TAL1: variants seen among roughly 807,000 people sequenced by gnomAD.
TAL1 encodes T-cell acute lymphocytic leukemia protein 1.
A neutral mutation model predicts 17.9 loss-of-function variants in TAL1; 8 were observed. The observed-to-expected ratio is 0.45, with a 90% CI of 0.26 to 0.81. The LOEUF (loss-of-function observed/expected upper bound fraction) is 0.81. Among genes scored for constraint, TAL1 ranks in the 30% least tolerant of loss-of-function variants. The pLI is 0.17. For synonymous variants in TAL1, 223 were observed against 218.6 expected (o/e 1.02, Z -0.18); for missense variants, 466 against 486.9 (o/e 0.96, Z 0.40).
At chr1:47,231,980 G>C (rs1432843966), upstream of TAL1, among the ~76,000 whole-genome samples, 1 of 152,188 alleles carries the variant, frequency 6.6e-6, no homozygotes, top group Non-Finnish European at 1.5e-5. Flanking sequence ...GAGGGGCGGC[G>C]GCAGCCGGGG....
intron 2 of TAL1, among the ~76,000 whole-genome samples, chr1:47,224,353 C>T (rs1272607529): frequency 6.6e-6 from 1 of 151,906 alleles, no homozygotes; most frequent in Non-Finnish European, 1.5e-5. Context: ...CAAACACAGG[C>T]ACATATGCAG....
At chr1:47,226,183 G>A in intron 1 of TAL1, 4 of 413,998 alleles carry the variant, frequency 9.7e-6, no homozygotes, top group Non-Finnish European at 1.7e-5. Context: ...CGGAAGAAAA[G>A]GAATACAGCC....
chr1:47,217,562 T>C, exon 4 of TAL1: 4 of 398,556 alleles, frequency 1.0e-5, no homozygotes, highest in South Asian at 1.3e-4. Context: ...AGGATTGAGA[T>C]TGAGGGAAAA....
chr1:47,232,319 C>A (rs1191592811), upstream of TAL1: 1 of 158,034 alleles, frequency 6.3e-6, no homozygotes, highest in Non-Finnish European at 1.4e-5. Context: ...ACGTTCCAGG[C>A]CTCGTTAGCA....
exon 4 of TAL1, chr1:47,219,059 C>A (rs970230152): frequency 3.1e-6 from 1 of 326,432 alleles, no homozygotes; most frequent in Admixed American, 4.4e-5. Context: ...GAAAGCAGAA[C>A]TTTGATCCCC....
chr1:47,221,597 A>G (rs1236970156), intron 3 of TAL1, among the ~76,000 whole-genome samples: 2 of 152,238 alleles, frequency 1.3e-5, no homozygotes, highest in African/African-American at 4.8e-5. Context: ...CACATAGTCC[A>G]GGAAGCTCTG....
chr1:47,219,911 C>A, exon 4 of TAL1: 1 of 1,494,630 alleles, frequency 6.7e-7, no homozygotes, highest in East Asian at 2.4e-5. Context: ...CCTCCCCCAC[C>A]TCCACCCCCA....
exon 4 of TAL1, chr1:47,216,705 A>G (rs1460401251): frequency 8.6e-6 from 2 of 231,798 alleles, no homozygotes; most frequent in Non-Finnish European, 1.7e-5. Flanking sequence ...CCATCTTGTC[A>G]TCTGCCATAA....
intron 2 of TAL1, among the ~76,000 whole-genome samples, chr1:47,224,969 C>T (rs572054907): frequency 6.6e-6 from 1 of 152,218 alleles, no homozygotes; most frequent in Admixed American, 6.5e-5. Flanking sequence ...TCTGCCACCA[C>T]CCTCAGATCC....
At chr1:47,220,232 C>T (rs1038090137) in intron 3 of TAL1, 58 bp from the exon 5 acceptor site, 2 of 1,457,588 alleles carry the variant, frequency 1.4e-6, no homozygotes, top group African/African-American at 2.8e-5. Flanking sequence ...TCCCCAAAGG[C>T]ATCTCCATAC....
exon 4 of TAL1, chr1:47,217,740 T>C (rs1569878852): frequency 2.5e-6 from 1 of 398,510 alleles, no homozygotes; most frequent in Non-Finnish European, 4.4e-6. Context: ...ATAAAACCCA[T>C]CCACCCATCC....
upstream of TAL1, chr1:47,231,651 A>T (rs540166061): frequency 4.3e-6 from 1 of 233,928 alleles, no homozygotes; most frequent in Non-Finnish European, 8.4e-6. Flanking sequence ...ACACACCCCC[A>T]CACACAGAAT....
intron 3 of TAL1, chr1:47,223,574 A>C: frequency 6.3e-6 from 1 of 159,768 alleles, no homozygotes; most frequent in Non-Finnish European, 1.4e-5. Flanking sequence ...TCCAGACTCT[A>C]AGGAAGACTT....
At chr1:47,220,206 T>A in intron 3 of TAL1, 32 bp from the exon 5 acceptor site, 1 of 1,481,690 alleles carries the variant, frequency 6.7e-7, no homozygotes, top group Non-Finnish European at 9.0e-7. Context: ...GTTAGGAGAA[T>A]GGGCTTGAGA....
At chr1:47,218,802 T>G in exon 4 of TAL1, 1 of 234,608 alleles carries the variant, frequency 4.3e-6, no homozygotes, top group Non-Finnish European at 8.4e-6. Context: ...TCCAGGAGAA[T>G]GCACAGATGG....
At chr1:47,216,652 T>G in exon 4 of TAL1, 1 of 232,044 alleles carries the variant, frequency 4.3e-6, no homozygotes, top group Admixed American at 5.6e-5. Flanking sequence ...TGACTACAGA[T>G]GCTGTGCCCT....
chr1:47,223,559 C>G (rs1643865944), intron 3 of TAL1: 1 of 156,272 alleles, frequency 6.4e-6, no homozygotes, highest in Non-Finnish European at 1.4e-5. Context: ...AGGGAGGAAG[C>G]AGACTCCAGA....
Position 47,225,723 on chromosome 1 carries a change from C to A in TAL1, c.166G>T (p.Ala56Ser), listed in dbSNP as rs1308115412. Residue 56 changes from alanine to serine, a missense_variant, in exon 2 of 4, where the codon GCG becomes TCG. Transcript: ENST00000294339. The stretch of plus-strand genomic sequence containing the variant: ...GGGCCGCCCCCCGGGCCTCCGCGCG[C>A]GCCCAGTTCGATGACTGGGGGCTCC... The A allele has an allele frequency of 1.3e-6, 2 of 1,494,566 alleles. No individual in the cohort carries two copies. Among genetic ancestry groups the A allele is most frequent in the Admixed American group, 2.3e-5 (1 of 43,956 alleles). 92.6% of individuals were successfully genotyped at this position (1,494,566 alleles called of 1,614,324 possible).
intron 1 of TAL1, among the ~76,000 whole-genome samples, chr1:47,226,735 G>T (rs1643918271): frequency 6.6e-6 from 1 of 152,210 alleles, no homozygotes; most frequent in African/African-American, 2.4e-5. Context: ...TCTGAAGTGA[G>T]GTCGAGTCTC....
Sources: gnomAD v4.1 joint callset for allele counts (sites outside exome capture counted in the v4.1 genomes callset) on GRCh38, gnomAD v4.1.1 for gene constraint, MANE v1.5 for transcripts, NCBI Gene and HGNC (gene_info 2026-07-23, HGNC 2026-07-21) for gene names.